The following MYLK variants were observed in gnomAD, a reference collection of about 807,000 sequenced individuals.
MYLK encodes myosin light chain kinase, smooth muscle.
Under a neutral mutation model 203.4 loss-of-function variants are expected in MYLK, and 106 were observed. That is an observed-to-expected ratio of 0.52 (90% CI 0.45 to 0.61). The LOEUF (loss-of-function observed/expected upper bound fraction) is 0.61. MYLK is among the 20% of genes least tolerant of loss of function. MYLK has a pLI of 0.00. For synonymous variants in MYLK, 867 were observed against 959.5 expected (o/e 0.90, Z 1.78); for missense variants, 2,072 against 2,442.3 (o/e 0.85, Z 3.20).
chr3:123,711,336 A>T (rs2108662316), intron 13 of MYLK, among the ~76,000 whole-genome samples: 1 of 152,348 alleles, frequency 6.6e-6, no homozygotes, highest in South Asian at 2.1e-4. Flanking sequence ...TGAACACCTT[A>T]AGTCTCCATA....
chr3:123,791,082 CGATT>C (rs1560221421), intron 4 of MYLK, among the ~76,000 whole-genome samples: 1 of 152,134 alleles, frequency 6.6e-6, no homozygotes, highest in African/African-American at 2.4e-5. Context: ...GGTTCCGTGA[CGATT>C]GAGCACCTAG....
At chr3:123,866,594 G>C (rs1369858410) in intron 2 of MYLK, among the ~76,000 whole-genome samples, 2 of 152,112 alleles carry the variant, frequency 1.3e-5, no homozygotes, top group East Asian at 3.9e-4. Flanking sequence ...GAAATATCAG[G>C]ATGAGGTTGA....
At position 123,694,156 on chromosome 3, in the gene MYLK, C is replaced by T. The variant is rs72970810; in HGVS notation, c.3449-1305G>A. On this transcript the variant is annotated intron_variant, in intron 18 of 33. Transcript: ENST00000360304. Reference sequence around the variant, plus strand: ...AAGGGTGTAATATTCCCCTTTACTCCTTGCCACCAGGGTACTGTTTTAAAC... The same window carrying T: ...AAGGGTGTAATATTCCCCTTTACTCTTTGCCACCAGGGTACTGTTTTAAAC... Among the ~76,000 whole-genome samples, 1,469 of 152,294 alleles carry T rather than the reference C, an allele frequency of 9.6e-3. 28 individuals are homozygous for T. The highest frequency in any genetic ancestry group is 0.033 in the African/African-American group (1,372 of 41,544).
chr3:123,754,669 G>C (rs2063308300), intron 4 of MYLK, among the ~76,000 whole-genome samples: 1 of 152,172 alleles, frequency 6.6e-6, no homozygotes. Context: ...GTTGTCTCTG[G>C]GTGGTTAGGA....
chr3:123,758,451 T>C (rs1057303069), intron 4 of MYLK, among the ~76,000 whole-genome samples: 1 of 152,122 alleles, frequency 6.6e-6, no homozygotes, highest in Non-Finnish European at 1.5e-5. Context: ...AGAGAATTGT[T>C]CCTCTCAATG....
At chr3:123,732,076 A>G (rs2062500358) in intron 11 of MYLK, among the ~76,000 whole-genome samples, 2 of 151,084 alleles carry the variant, frequency 1.3e-5, no homozygotes, top group Admixed American at 1.3e-4. Context: ...GCAGCCTGCA[A>G]TTTGCAGATT....
intron 4 of MYLK, among the ~76,000 whole-genome samples, chr3:123,777,672 G>A (rs1465794894): frequency 6.6e-6 from 1 of 152,238 alleles, no homozygotes; most frequent in Admixed American, 6.5e-5. Context: ...GGCTGAGGGT[G>A]TGGAGCAGAC....
At chr3:123,653,705 G>A (rs2059292561) in intron 24 of MYLK, among the ~76,000 whole-genome samples, 2 of 152,118 alleles carry the variant, frequency 1.3e-5, no homozygotes, top group Admixed American at 1.3e-4. Flanking sequence ...ACAGCCCTGG[G>A]AGCAGCTGTC....
intron 7 of MYLK, 152 bp downstream of exon 7, chr3:123,738,745 G>T (rs1163954833): frequency 6.6e-6 from 7 of 1,058,034 alleles, no homozygotes; most frequent in Non-Finnish European, 9.7e-6. Context: ...TTCACCTTCT[G>T]TCATGATTGT....
At chr3:123,744,005 A>G (rs1296796402) in intron 5 of MYLK, among the ~76,000 whole-genome samples, 1 of 152,216 alleles carries the variant, frequency 6.6e-6, no homozygotes, top group African/African-American at 2.4e-5. Context: ...AGCCAACTTC[A>G]AAGTGTTTTT....
At chr3:123,849,441 T>C (rs1577118850) in intron 2 of MYLK, among the ~76,000 whole-genome samples, 1 of 152,320 alleles carries the variant, frequency 6.6e-6, no homozygotes, top group African/African-American at 2.4e-5. Flanking sequence ...AAAATAGCTA[T>C]GGTTTAAGTC....
chr3:123,848,411 T>C (rs1367592986), intron 2 of MYLK, among the ~76,000 whole-genome samples: 1 of 152,080 alleles, frequency 6.6e-6, no homozygotes, highest in African/African-American at 2.4e-5. Flanking sequence ...ATATATATAG[T>C]AGACAACAAT....
chr3:123,870,931 C>A (rs1055516209), intron 2 of MYLK, among the ~76,000 whole-genome samples: 9 of 152,212 alleles, frequency 5.9e-5, no homozygotes, highest in African/African-American at 2.2e-4. Context: ...GGAACTCCAA[C>A]TCCCTTTCCT....
chr3:123,763,223 C>T (rs1242100751), intron 4 of MYLK, among the ~76,000 whole-genome samples: 3 of 152,356 alleles, frequency 2.0e-5, no homozygotes, highest in South Asian at 2.1e-4. Context: ...GAGAACCATA[C>T]ATTCTTCTCA....
chr3:123,737,902 AG>A (rs2108811108), intron 7 of MYLK, among the ~76,000 whole-genome samples: 1 of 152,246 alleles, frequency 6.6e-6, no homozygotes, highest in South Asian at 2.1e-4. Context: ...AGCAGGTAAA[AG>A]GTGTCAATAC....
intron 8 of MYLK, among the ~76,000 whole-genome samples, chr3:123,736,753 G>A (rs796285064): frequency 2.6e-5 from 4 of 152,294 alleles, no homozygotes; most frequent in African/African-American, 7.2e-5. Flanking sequence ...ATGGCAAGAC[G>A]TTAGCAACAT....
chr3:123,682,773 C>T (rs1343561979), intron 19 of MYLK, among the ~76,000 whole-genome samples: 1 of 152,052 alleles, frequency 6.6e-6, no homozygotes, highest in Admixed American at 6.5e-5. Flanking sequence ...TCTGATTTCT[C>T]TGACTTTCTT....
chr3:123,840,354 AC>A (rs2066560767), intron 2 of MYLK, among the ~76,000 whole-genome samples: 1 of 126,604 alleles, frequency 7.9e-6, no homozygotes, highest in Non-Finnish European at 1.6e-5. Context: ...GAACATCACT[AC>A]AAATCCTACA....
chr3:123,752,410 C>T lies in MYLK; in HGVS notation c.294G>A (p.Glu98=), dbSNP rs751044690. The T allele has an allele frequency of 3.1e-6, 5 of 1,614,092 alleles. No homozygotes were observed. The African/African-American group carries it at 6.7e-5, about 22-fold the overall frequency. Residue 98 remains glutamate (E), a synonymous_variant, in exon 5 of 34, where the codon GAG becomes GAA. Transcript: ENST00000360304. ...CACAGGTATACTTTCCCCTGTCCTC[C>T]TCATGGACAGCATGAATCACAAGGC... ...TFSLVIHAVH[E]EDRGKYTCEA...
Sources: gnomAD v4.1 joint callset for allele counts (sites outside exome capture counted in the v4.1 genomes callset) on GRCh38, gnomAD v4.1.1 for gene constraint, MANE v1.5 for transcripts, NCBI Gene and HGNC (gene_info 2026-07-23, HGNC 2026-07-21) for gene names.